Variants in CLINT1 observed in about 807,000 individuals in gnomAD.
CLINT1 encodes the protein clathrin interactor 1, also known as clathrin interacting protein localized in the trans-Golgi region.
Under a neutral mutation model 70.4 loss-of-function variants are expected in CLINT1, and 15 were observed. The ratio of observed to expected loss-of-function variants is 0.21; its 90% CI spans 0.14 to 0.33. The LOEUF (loss-of-function observed/expected upper bound fraction) is 0.33. CLINT1 is among the 10% of genes least tolerant of loss of function. The pLI is 1.00. For synonymous variants in CLINT1, 227 were observed against 254.7 expected (o/e 0.89, Z 1.04); for missense variants, 615 against 778.1 (o/e 0.79, Z 2.49).
chr5:157,855,429 T>C (rs957398192), intron 1 of CLINT1, among the ~76,000 whole-genome samples: 1 of 152,164 alleles, frequency 6.6e-6, no homozygotes, highest in Non-Finnish European at 1.5e-5. Context: ...ATTAAGCTAG[T>C]GCTCCTAGTT....
chr5:157,792,425 G>T (rs765754551), intron 9 of CLINT1, among the ~76,000 whole-genome samples: 4 of 152,168 alleles, frequency 2.6e-5, no homozygotes, highest in Non-Finnish European at 4.4e-5. Flanking sequence ...ACACACACCT[G>T]TAGTCCCAGC....
chr5:157,805,270 T>A (rs546419762), intron 7 of CLINT1, among the ~76,000 whole-genome samples: 67 of 152,320 alleles, frequency 4.4e-4, no homozygotes, highest in Non-Finnish European at 7.8e-4. Context: ...TTTAGTCTTT[T>A]GAGGCAAATC....
intron 1 of CLINT1, among the ~76,000 whole-genome samples, chr5:157,836,614 G>C (rs548175613): frequency 6.6e-6 from 1 of 152,284 alleles, no homozygotes; most frequent in East Asian, 1.9e-4. Flanking sequence ...ACTCCACACA[G>C]TGGCTTACAA....
intron 7 of CLINT1, 59 bp downstream of exon 7, chr5:157,805,807 C>T (rs1307560162): frequency 3.8e-6 from 6 of 1,593,378 alleles, no homozygotes; most frequent in African/African-American, 1.3e-5. Context: ...TGCAGGAATT[C>T]GAAGAGCGGT....
At chr5:157,805,763 A>T in intron 7 of CLINT1, 103 bp downstream of exon 7, 3 of 1,376,370 alleles carry the variant, frequency 2.2e-6, no homozygotes, top group African/African-American at 1.4e-5. Context: ...ATCCATAATT[A>T]ATATGATTGC....
intron 1 of CLINT1, among the ~76,000 whole-genome samples, chr5:157,824,913 T>C (rs1313555349): frequency 7.9e-5 from 12 of 152,192 alleles, no homozygotes; most frequent in Admixed American, 7.2e-4. Context: ...AGAAGAGCTA[T>C]ATGCCAAATA....
chr5:157,795,082 T>C (rs1762027779), intron 8 of CLINT1, 110 bp from the exon 9 acceptor site: 2 of 809,826 alleles, frequency 2.5e-6, no homozygotes, highest in Non-Finnish European at 2.0e-6. Context: ...GAGGCCCAGA[T>C]GCCTCACAAA....
intron 3 of CLINT1, among the ~76,000 whole-genome samples, chr5:157,815,376 G>A (rs947502757): frequency 1.3e-5 from 2 of 150,588 alleles, no homozygotes; most frequent in South Asian, 2.1e-4. Context: ...ACTGCTAATG[G>A]GTGTAGGGTT....
At chr5:157,795,340 G>C (rs1201507092) in intron 8 of CLINT1, 1 of 170,168 alleles carries the variant, frequency 5.9e-6, no homozygotes, top group Non-Finnish European at 1.2e-5. Flanking sequence ...TGGGGAATAA[G>C]ATATTCACAA....
chr5:157,787,514 T>G lies in CLINT1; in HGVS notation c.*132A>C. On this transcript the variant is annotated 3_prime_UTR_variant, in exon 12 of 12. Transcript: ENST00000411809. ...ATATTTCACTTTTATAAAACAGCCT[T>G]TTTGGTTCTTTATGTAGATTTATTT... 2.5e-6 allele frequency: 2 copies of G among 810,980 alleles called. No individual in the cohort carries two copies. Among genetic ancestry groups the G allele is most frequent in the Non-Finnish European group, 3.9e-6 (2 of 511,622 alleles). 50.2% of individuals were successfully genotyped at this position (810,980 alleles called of 1,614,324 possible).
intron 1 of CLINT1, among the ~76,000 whole-genome samples, chr5:157,824,206 ACCTTGTGATATTCATTTTTTAT>A (rs1279226285): frequency 6.6e-6 from 1 of 152,192 alleles, no homozygotes; most frequent in Non-Finnish European, 1.5e-5. Flanking sequence ...TAGATAATGA[ACCTTGTGATATTCATTTTTTAT>A]CAGGGGATAG....
intron 1 of CLINT1, among the ~76,000 whole-genome samples, chr5:157,853,777 C>CAAAAAAAAAAAAAAA (rs11316474): frequency 6.2e-5 from 3 of 48,044 alleles, no homozygotes; most frequent in African/African-American, 7.3e-5. Flanking sequence ...GACACCATCT[C>CAAAAAAAAAAAAAAA]AAAAAAAAAA....
At chr5:157,830,000 G>A (rs1445260426) in intron 1 of CLINT1, among the ~76,000 whole-genome samples, 4 of 150,792 alleles carry the variant, frequency 2.7e-5, no homozygotes, top group Non-Finnish European at 2.9e-5. Context: ...TCAGGCTGGA[G>A]TGCAGTGGTG....
intron 1 of CLINT1, among the ~76,000 whole-genome samples, chr5:157,833,444 T>C (rs1339296200): frequency 2.0e-5 from 3 of 152,150 alleles, no homozygotes; most frequent in Non-Finnish European, 2.9e-5. Flanking sequence ...CCCATTCATG[T>C]GTCATTCTCT....
intron 1 of CLINT1, among the ~76,000 whole-genome samples, chr5:157,834,781 A>G (rs1286197475): frequency 1.3e-5 from 2 of 152,130 alleles, no homozygotes; most frequent in African/African-American, 4.8e-5. Context: ...CAAATCCAAC[A>G]TTACATTTTT....
chr5:157,817,281 C>T (rs1762749299), intron 2 of CLINT1, among the ~76,000 whole-genome samples, 162 bp downstream of exon 2: 1 of 152,072 alleles, frequency 6.6e-6, no homozygotes, highest in Admixed American at 6.6e-5. Flanking sequence ...TTGCATAAAA[C>T]TTTCCACATT....
chr5:157,810,286 C>T (rs552538870), intron 5 of CLINT1, among the ~76,000 whole-genome samples: 1 of 152,176 alleles, frequency 6.6e-6, no homozygotes, highest in Admixed American at 6.5e-5. Context: ...GCTACATGTC[C>T]CAATAAGCTA....
Position 157,787,181 on chromosome 5 carries a change from C to T in CLINT1, c.*465G>A. On this transcript the variant is annotated 3_prime_UTR_variant, in exon 12 of 12. Transcript: ENST00000411809. ...ATATATATTTTTATAAAAAACTGAT[C>T]ATCCAACTTTAATGATTTCATATAT... 6.5e-6 allele frequency: 1 copy of T among 153,338 alleles called. No homozygotes were observed. The highest frequency in any genetic ancestry group is 1.5e-5 in the Non-Finnish European group (1 of 68,806). 9.5% of individuals were successfully genotyped at this position (153,338 alleles called of 1,614,324 possible). A position where few individuals can be genotyped will look rare whatever the true frequency, so the allele number is the denominator to read the frequency against.
At chr5:157,858,879 C>CT in intron 1 of CLINT1, 51 bp downstream of exon 1, 2 of 497,502 alleles carry the variant, frequency 4.0e-6, no homozygotes, top group South Asian at 1.7e-5. Context: ...CCTTCTCCCC[C>CT]TCCCCCCTCC....
Sources: allele counts gnomAD v4.1 joint callset (sites outside exome capture counted in the v4.1 genomes callset), GRCh38; gene constraint gnomAD v4.1.1; transcripts MANE v1.5; gene names NCBI Gene and HGNC (gene_info 2026-07-23, HGNC 2026-07-21).